Variants in LOXL2 observed in about 807,000 individuals in gnomAD.
LOXL2 encodes the protein lysyl oxidase homolog 2.
Under a neutral mutation model 93.0 loss-of-function variants are expected in LOXL2, and 70 were observed. The ratio of observed to expected loss-of-function variants is 0.75; its 90% confidence interval spans 0.62 to 0.92. LOXL2 has a LOEUF of 0.92. Ranked by LOEUF, LOXL2 falls within the 40% of genes least tolerant of loss-of-function variation. The probability of loss-of-function intolerance (pLI) is 0.00; values close to 1 mark genes in which losing one functional copy is unlikely to be tolerated. For missense variants in LOXL2, 973 were observed against 1,054.9 expected, an observed-to-expected ratio of 0.92 and a Z score of 1.08; for synonymous variants, 438 against 413.2, an observed-to-expected ratio of 1.06 and a Z score of -0.73.
chr8:23,357,466 G>A (rs1185246204), intron 3 of LOXL2, among the ~76,000 whole-genome samples: 1 of 152,174 alleles, frequency 6.6e-6, no homozygotes, highest in East Asian at 1.9e-4. Context: ...CATTGGAACT[G>A]GCACTTAGTA....
chr8:23,352,339 C>T (rs1285793855), intron 3 of LOXL2, among the ~76,000 whole-genome samples: 1 of 152,194 alleles, frequency 6.6e-6, no homozygotes, highest in Non-Finnish European at 1.5e-5. Flanking sequence ...TACCCCGTGA[C>T]CATCTGGGAA....
chr8:23,381,106 T>TC (rs1804675833), intron 1 of LOXL2, among the ~76,000 whole-genome samples: 1 of 151,850 alleles, frequency 6.6e-6, no homozygotes, highest in South Asian at 2.1e-4. Flanking sequence ...TTTTTTTTTT[T>TC]TGTACACATT....
At position 23,302,849 on chromosome 8, in the gene LOXL2, CG is replaced by C. The variant is rs112007458; in HGVS notation, c.1996+432del. 6.3e-3 allele frequency among the ~76,000 whole-genome samples: 955 copies of C among 151,860 alleles called. 10 individuals carry two copies. Among genetic ancestry groups the C allele is most frequent in the African/African-American group, 0.022 (917 of 41,370 alleles). ...GAGCAGAGTGCCACACCTGCCGGGACGGGGGGGCGCTTCAGAGGAGGGCATT... is the reference window on the plus strand; with the variant it reads ...GAGCAGAGTGCCACACCTGCCGGGACGGGGGGCGCTTCAGAGGAGGGCATT... On this transcript the variant is annotated intron_variant, in intron 11 of 13. Coordinates refer to ENST00000389131, the MANE Select transcript of LOXL2 (RefSeq NM_002318.3).
chr8:23,318,071 T>C (rs945617238), intron 8 of LOXL2, among the ~76,000 whole-genome samples: 22 of 98,434 alleles, frequency 2.2e-4, no homozygotes, highest in African/African-American at 5.9e-4. Flanking sequence ...CGTGAGGCTG[T>C]TTTTAGATGA....
chr8:23,371,742 A>G (rs1045510126), intron 1 of LOXL2, among the ~76,000 whole-genome samples: 6 of 103,086 alleles, frequency 5.8e-5, no homozygotes, highest in Non-Finnish European at 8.9e-5. Context: ...AAAGAGTGAG[A>G]GTCTGTCTCA....
intron 5 of LOXL2, among the ~76,000 whole-genome samples, chr8:23,330,805 G>C (rs1194894357): frequency 6.6e-6 from 1 of 151,824 alleles, no homozygotes; most frequent in Non-Finnish European, 1.5e-5. Flanking sequence ...AGGGTGTGGT[G>C]GGGGTTTGGG....
chr8:23,376,505 G>T (rs1285908831), intron 1 of LOXL2, among the ~76,000 whole-genome samples: 1 of 152,176 alleles, frequency 6.6e-6, no homozygotes. Flanking sequence ...AATAGTTTCA[G>T]AAGGAATGGT....
At chr8:23,377,044 T>G (rs1039838405) in intron 1 of LOXL2, among the ~76,000 whole-genome samples, 97 of 152,330 alleles carry the variant, frequency 6.4e-4, no homozygotes, top group African/African-American at 2.3e-3. Context: ...GGTGTCAATT[T>G]TAGATCTTTC....
At chr8:23,343,395 C>A (rs1043897447) in intron 3 of LOXL2, among the ~76,000 whole-genome samples, 1 of 152,210 alleles carries the variant, frequency 6.6e-6, no homozygotes, top group African/African-American at 2.4e-5. Context: ...CTCCCTAGGG[C>A]CACCCCGAGG....
At chr8:23,305,593 C>T (rs564299008) in intron 10 of LOXL2, among the ~76,000 whole-genome samples, 17 of 148,598 alleles carry the variant, frequency 1.1e-4, no homozygotes, top group African/African-American at 2.7e-4. Flanking sequence ...TGAGTCCTGG[C>T]GAGGAAGGTA....
intron 1 of LOXL2, among the ~76,000 whole-genome samples, chr8:23,399,551 C>T (rs1181356230): frequency 6.6e-6 from 1 of 152,134 alleles, no homozygotes; most frequent in Non-Finnish European, 1.5e-5. Flanking sequence ...TGCTCAGCCC[C>T]CTCACGATGG....
chr8:23,327,251 G>A (rs1301846097), intron 6 of LOXL2, among the ~76,000 whole-genome samples: 1 of 152,226 alleles, frequency 6.6e-6, no homozygotes, highest in Non-Finnish European at 1.5e-5. Flanking sequence ...TCTAGAAGGA[G>A]GAAAGCTCTA....
chr8:23,386,578 C>G (rs534139551), intron 1 of LOXL2, among the ~76,000 whole-genome samples: 2 of 152,170 alleles, frequency 1.3e-5, no homozygotes, highest in East Asian at 3.9e-4. Context: ...CTTAATTTCA[C>G]AAAAGAAATA....
rs1056101815 is a variant in LOXL2 at position 23,370,241 on chromosome 8, C to A, written c.-83-1807G>T. ...GCTTTTGACACCTAGAACAACGCGC[C>A]TCCATCCCCTCCCCTCCCCTCCAAA... On this transcript the variant is annotated intron_variant, in intron 1 of 13. Coordinates refer to ENST00000389131, the MANE Select transcript of LOXL2 (RefSeq NM_002318.3). Among the ~76,000 whole-genome samples, 7 of 152,298 alleles carry A rather than the reference C, an allele frequency of 4.6e-5. No individual in the cohort carries two copies. The South Asian group carries it at 1.5e-3, about 32-fold the overall frequency.
Position 23,298,817 on chromosome 8 carries a change from G to A in LOXL2, c.2245+19C>T. The A allele has an allele frequency of 6.6e-7, 1 of 1,524,408 alleles. No individual in the cohort carries two copies. Among genetic ancestry groups the A allele is most frequent in the Non-Finnish European group, 9.1e-7 (1 of 1,099,138 alleles). The allele number at this position is 1,524,408 out of a possible 1,614,324, so 94.4% of individuals were successfully genotyped here. A position where few individuals can be genotyped will look rare whatever the true frequency, so the allele number is the denominator to read the frequency against. The stretch of plus-strand genomic sequence containing the variant: ...GCAGCTCCCGCCTGCTTCCTGGAGT[G>A]GGGGCGGCCTGGCCTTACCTATGTG... On this transcript the variant is annotated intron_variant, in intron 13 of 13. Transcript: ENST00000389131.
chr8:23,398,068 T>A (rs1264532954), intron 1 of LOXL2, among the ~76,000 whole-genome samples: 2 of 151,968 alleles, frequency 1.3e-5, no homozygotes, highest in Non-Finnish European at 2.9e-5. Context: ...CATCTTCGAG[T>A]CATGCAGGCA....
chr8:23,395,835 G>T (rs1043686565), intron 1 of LOXL2, among the ~76,000 whole-genome samples: 12 of 151,960 alleles, frequency 7.9e-5, no homozygotes, highest in African/African-American at 2.9e-4. Context: ...CACCATGACT[G>T]GCTAATTTTT....
chr8:23,340,268 A>AC (rs367941319), intron 4 of LOXL2, among the ~76,000 whole-genome samples: 10 of 152,310 alleles, frequency 6.6e-5, no homozygotes, highest in African/African-American at 2.4e-4. Context: ...AGTCTTTGGT[A>AC]AAGCCAAGCC....
At chr8:23,381,496 A>G (rs1340195615) in intron 1 of LOXL2, among the ~76,000 whole-genome samples, 1 of 152,198 alleles carries the variant, frequency 6.6e-6, no homozygotes, top group Non-Finnish European at 1.5e-5. Flanking sequence ...CATGTTTTCA[A>G]ACTTTCCTCC....
Sources: allele counts gnomAD v4.1 joint callset (sites outside exome capture counted in the v4.1 genomes callset), GRCh38; gene constraint gnomAD v4.1.1; transcripts MANE v1.5; gene names NCBI Gene and HGNC (gene_info 2026-07-23, HGNC 2026-07-21).